KIAA1217: variants seen among roughly 807,000 people sequenced by gnomAD.
The protein encoded by KIAA1217 is sickle tail protein homolog.
Under a neutral mutation model 163.9 loss-of-function variants are expected in KIAA1217, and 88 were observed. The ratio of observed to expected loss-of-function variants is 0.54; its 90% CI spans 0.45 to 0.64. The LOEUF is 0.64. Ranked by LOEUF, KIAA1217 falls within the 30% of genes least tolerant of loss-of-function variation. The pLI is 0.00. For missense variants in KIAA1217, 2,372 were observed against 2,475.0 expected (o/e 0.96, Z 0.88); for synonymous variants, 903 against 923.1 (o/e 0.98, Z 0.39).
intron 2 of KIAA1217, among the ~76,000 whole-genome samples, chr10:24,109,025 T>A (rs895471965): frequency 1.3e-5 from 2 of 150,812 alleles, no homozygotes; most frequent in Non-Finnish European, 2.9e-5. Context: ...AGAGACGGGG[T>A]TTCCCCATGT....
chr10:24,085,458 G>T (rs74123630), intron 2 of KIAA1217, among the ~76,000 whole-genome samples: 11,228 of 152,112 alleles, frequency 0.074, 625 homozygotes, highest in Middle Eastern at 0.16. Flanking sequence ...TTGCCTTCTG[G>T]TCTTCAGTGC....
In KIAA1217 at chr10:24,535,852, T is replaced by TAA. The variant is rs35172187; in HGVS notation, c.3415-914_3415-913dup. On this transcript the variant is annotated intron_variant, in intron 16 of 20. Coordinates refer to ENST00000376454, the MANE Select transcript of KIAA1217 (RefSeq NM_019590.5). ...TGCACATTAGAATTACTTTGGGAGTTAAAAAAAAATCCTACAGCTCAGAGA... is the reference window on the plus strand; with the variant it reads ...TGCACATTAGAATTACTTTGGGAGTTAAAAAAAAAAATCCTACAGCTCAGAGA... 5.6e-3 allele frequency among the ~76,000 whole-genome samples: 845 copies of TAA among 151,382 alleles called. 8 individuals carry two copies. The highest frequency in any genetic ancestry group is 9.4e-3 in the Admixed American group (143 of 15,224).
chr10:24,051,913 C>G (rs1482474023), intron 2 of KIAA1217, among the ~76,000 whole-genome samples: 2 of 152,132 alleles, frequency 1.3e-5, no homozygotes, highest in Non-Finnish European at 2.9e-5. Context: ...TGTCTGTTCA[C>G]TCTGCTGATT....
chr10:23,990,522 G>A (rs572703642), intron 1 of KIAA1217, among the ~76,000 whole-genome samples: 3 of 152,106 alleles, frequency 2.0e-5, no homozygotes, highest in Non-Finnish European at 4.4e-5. Flanking sequence ...TTCAGTTTCT[G>A]TGGGTGCTCC....
chr10:23,856,964 A>G (rs1005043111), intron 1 of KIAA1217, among the ~76,000 whole-genome samples: 4 of 152,198 alleles, frequency 2.6e-5, no homozygotes, highest in African/African-American at 9.6e-5. Context: ...TGCGCTTCCC[A>G]AGTGAGGCAA....
At position 24,513,313 on chromosome 10, in the gene KIAA1217, A is replaced by G. The variant is rs769362211; in HGVS notation, c.2056A>G (p.Ser686Gly). Residue 686 changes from serine (S) to glycine (G), a missense_variant, in exon 10 of 21, where the codon AGT (serine) becomes GGT (glycine). This residue lies in a region of KIAA1217 where 1,431 missense variants were observed against 1,470.3 expected (regional missense o/e 0.97). Coordinates refer to ENST00000376454, the MANE Select transcript of KIAA1217 (RefSeq NM_019590.5). ...AMMKKAELEI[S>G]GKVMETMKRL... ...GATGAAGAAGGCCGAGCTGGAAATC[A>G]GTGGCAAAGTGATGGAAACAATGAA... 1.9e-6 allele frequency: 3 copies of G among 1,614,208 alleles called. No homozygotes were observed. In the East Asian group the frequency reaches 6.7e-5, roughly 36 times the overall value.
intron 2 of KIAA1217, among the ~76,000 whole-genome samples, chr10:24,199,191 C>T (rs1287606801): frequency 3.9e-5 from 6 of 152,146 alleles, no homozygotes; most frequent in Admixed American, 3.9e-4. Flanking sequence ...GTGATTGCAC[C>T]ACTGCACCCC....
At chr10:23,877,973 G>A (rs987352684) in intron 1 of KIAA1217, among the ~76,000 whole-genome samples, 5 of 151,964 alleles carry the variant, frequency 3.3e-5, no homozygotes, top group South Asian at 4.2e-4. Context: ...AGGATTGCCC[G>A]GGGCACACAG....
chr10:23,924,054 A>G (rs1842937082), intron 1 of KIAA1217, among the ~76,000 whole-genome samples: 1 of 152,160 alleles, frequency 6.6e-6, no homozygotes, highest in African/African-American at 2.4e-5. Context: ...TGATTTTTAA[A>G]TGTTATATTT....
At chr10:24,399,128 A>C (rs1006478038) in intron 3 of KIAA1217, among the ~76,000 whole-genome samples, 11 of 152,360 alleles carry the variant, frequency 7.2e-5, no homozygotes, top group African/African-American at 2.6e-4. Context: ...CTGTAGTTGT[A>C]CATAGCCAGT....
intron 2 of KIAA1217, among the ~76,000 whole-genome samples, chr10:24,193,664 A>G (rs1364745992): frequency 6.6e-6 from 1 of 152,224 alleles, no homozygotes; most frequent in Non-Finnish European, 1.5e-5. Context: ...GCCATGCAGA[A>G]CTGCGCTAAT....
chr10:24,477,390 A>G (rs2064163357), intron 6 of KIAA1217, among the ~76,000 whole-genome samples: 1 of 152,236 alleles, frequency 6.6e-6, no homozygotes, highest in African/African-American at 2.4e-5. Context: ...GCCCGAGGCC[A>G]CAAAGCCAGT....
At chr10:23,765,363 C>G (rs1313996761) in intron 1 of KIAA1217, among the ~76,000 whole-genome samples, 1 of 151,714 alleles carries the variant, frequency 6.6e-6, no homozygotes, top group Non-Finnish European at 1.5e-5. Flanking sequence ...TTAGTAGAGA[C>G]GGGGTTTCAC....
At chr10:23,876,552 A>T (rs545872428) in intron 1 of KIAA1217, among the ~76,000 whole-genome samples, 101 of 152,082 alleles carry the variant, frequency 6.6e-4, no homozygotes, top group Middle Eastern at 3.4e-3. Flanking sequence ...ACCGTAGTGG[A>T]TATAAAGCAT....
intron 1 of KIAA1217, among the ~76,000 whole-genome samples, chr10:23,792,262 G>C (rs1190961812): frequency 6.6e-6 from 1 of 152,128 alleles, no homozygotes; most frequent in Non-Finnish European, 1.5e-5. Context: ...CATGCTTTCA[G>C]AGCCAAGCTA....
At chr10:24,358,109 C>T (rs1230060530) in intron 2 of KIAA1217, among the ~76,000 whole-genome samples, 5 of 152,222 alleles carry the variant, frequency 3.3e-5, no homozygotes, top group African/African-American at 1.2e-4. Flanking sequence ...TAAGTGAAAA[C>T]TCAGCGTGGA....
intron 1 of KIAA1217, among the ~76,000 whole-genome samples, chr10:23,814,119 A>G (rs916576349): frequency 6.6e-6 from 1 of 152,148 alleles, no homozygotes; most frequent in African/African-American, 2.4e-5. Context: ...AGCCCCCAAA[A>G]AATTATCTCT....
chr10:23,823,148 C>T (rs1034467526), intron 1 of KIAA1217, among the ~76,000 whole-genome samples: 4 of 152,158 alleles, frequency 2.6e-5, no homozygotes, highest in African/African-American at 9.7e-5. Context: ...CTCACAAGGC[C>T]CAAGCCAAGG....
chr10:23,718,860 G>C (rs1397241638), intron 1 of KIAA1217, among the ~76,000 whole-genome samples: 1 of 144,928 alleles, frequency 6.9e-6, no homozygotes, highest in Admixed American at 6.7e-5. Flanking sequence ...GGGAGAGAGA[G>C]AGAGAAGAGA....
Sources: allele counts gnomAD v4.1 joint callset (sites outside exome capture counted in the v4.1 genomes callset), GRCh38; gene constraint gnomAD v4.1.1; regional missense constraint gnomAD v4.1.1; transcripts MANE v1.5; gene names NCBI Gene and HGNC (gene_info 2026-07-23, HGNC 2026-07-21).